The following STARD5 variants were observed in gnomAD, a reference collection of about 807,000 sequenced individuals.
The protein encoded by STARD5 is StAR related lipid transfer domain containing 5, also known as stAR-related lipid transfer protein 5.
A neutral mutation model predicts 24.6 loss-of-function variants in STARD5; 26 were observed. That is an observed-to-expected ratio of 1.06 (90% confidence interval 0.77 to 1.47). The LOEUF is 1.47. Ranked by LOEUF, STARD5 falls within the 40% of genes most tolerant of loss-of-function variation. The pLI is 0.00. For synonymous variants in STARD5, 101 were observed against 99.7 expected (o/e 1.01, Z -0.07); for missense variants, 254 against 270.8 (o/e 0.94, Z 0.44).
rs773745613 is a variant in STARD5 at position 81,312,616 on chromosome 15, G to A, written c.*640C>T. ...CCGAGGACATGAAACTCCACCTTGC[G>A]GGGATAAAGAGAGAAAAACAAATTC... On this transcript the variant is annotated 3_prime_UTR_variant, in exon 6 of 6. Transcript: ENST00000302824. 2.0e-5 allele frequency: 3 copies of A among 152,308 alleles called. No individual in the cohort carries two copies. The highest frequency in any genetic ancestry group is 1.9e-4 in the East Asian group (1 of 5,182). The allele number at this position is 152,308 out of a possible 1,614,324, so 9.4% of individuals were successfully genotyped here.
chr15:81,323,998 C>G lies in STARD5; in HGVS notation c.99+3G>C. ...ACCCCTTCCCGCCCAGCTCCTCACT[C>G]ACGCCTTCCCGGCAAATCTTCCAGC... On this transcript the variant is annotated splice_donor_region_variant and intron_variant, in intron 1 of 5. Coordinates refer to ENST00000302824, the MANE Select transcript of STARD5 (RefSeq NM_181900.3). 6.3e-7 allele frequency: 1 copy of G among 1,593,150 alleles called. No homozygotes were observed. Among genetic ancestry groups the G allele is most frequent in the Non-Finnish European group, 8.6e-7 (1 of 1,169,058 alleles).
rs1893342731 is a variant in STARD5 at position 81,324,040 on chromosome 15, G to C, written c.60C>G (p.Tyr20Ter). 6.3e-7 allele frequency: 1 copy of C among 1,597,812 alleles called. No homozygotes were observed. The highest frequency in any genetic ancestry group is 1.3e-5 in the African/African-American group (1 of 74,438). Residue 20 changes from tyrosine (Y) to a stop codon, truncating the protein, a stop_gained, in exon 1 of 6, where the codon TAC (tyrosine) becomes TAG (stop). Transcript: ENST00000302824. LOFTEE classifies it high-confidence loss of function. ...SEAVAEKMLQ[Y>*]RRDTAGWKIC... ...TCTTCCAGCCTGCTGTGTCCCGCCG[G>C]TACTGGAGCATCTTCTCGGCCACAG...
intron 3 of STARD5, among the ~76,000 whole-genome samples, chr15:81,321,371 G>C (rs12595144): frequency 0.029 from 4,369 of 152,158 alleles, 98 homozygotes; most frequent in East Asian, 0.14. Context: ...CAGCACTTTG[G>C]GGGGTCGAGG....
intron 3 of STARD5, among the ~76,000 whole-genome samples, chr15:81,321,222 T>G (rs896886403): frequency 6.6e-6 from 1 of 152,170 alleles, no homozygotes; most frequent in African/African-American, 2.4e-5. Context: ...AGACGCAAAA[T>G]GTTTTACTTG....
At chr15:81,316,207 C>T (rs578062501) in intron 5 of STARD5, among the ~76,000 whole-genome samples, 24 of 152,184 alleles carry the variant, frequency 1.6e-4, no homozygotes, top group Non-Finnish European at 3.1e-4. Context: ...ATTAGGGAAA[C>T]CCCCTAGATA....
At chr15:81,318,043 G>C (rs1269984744) in intron 5 of STARD5, among the ~76,000 whole-genome samples, 1 of 152,128 alleles carries the variant, frequency 6.6e-6, no homozygotes, top group Non-Finnish European at 1.5e-5. Flanking sequence ...TCGGAGCACA[G>C]ACCCTGCCCT....
rs370301047 is a variant in STARD5 at position 81,313,224 on chromosome 15, C to T, written c.*32G>A. The T allele has an allele frequency of 3.2e-5, 49 of 1,512,214 alleles. No homozygotes were observed. Among genetic ancestry groups the T allele is most frequent in the Non-Finnish European group, 4.0e-5 (45 of 1,124,732 alleles). 93.7% of individuals were successfully genotyped at this position (1,512,214 alleles called of 1,614,324 possible). On this transcript the variant is annotated 3_prime_UTR_variant, in exon 6 of 6. Transcript: ENST00000302824. ...ACAGCTGGAGCTCCTCGATGAGTCA[C>T]GGGAGTTCTTTGCCAAGAAGTAACG...
intron 5 of STARD5, among the ~76,000 whole-genome samples, chr15:81,314,818 G>A (rs1228925171): frequency 1.1e-4 from 17 of 149,786 alleles, no homozygotes; most frequent in African/African-American, 3.4e-4. Context: ...CCTGGGAGGC[G>A]GAGGTTGCAG....
At chr15:81,314,569 G>A (rs1451625005) in intron 5 of STARD5, among the ~76,000 whole-genome samples, 3 of 152,128 alleles carry the variant, frequency 2.0e-5, no homozygotes, top group Non-Finnish European at 4.4e-5. Flanking sequence ...CTACAGGTTT[G>A]GAACTGGAGA....
intron 5 of STARD5, chr15:81,313,605 T>C (rs1446701041): frequency 5.1e-6 from 2 of 394,216 alleles, no homozygotes; most frequent in African/African-American, 4.1e-5. Context: ...CGGGGATGCA[T>C]TCCACAGCCT....
Position 81,322,439 on chromosome 15 carries a change from G to A in STARD5, c.251C>T (p.Thr84Ile), listed in dbSNP as rs1293328681. 1.2e-6 allele frequency: 2 copies of A among 1,614,170 alleles called. No homozygotes were observed. The highest frequency in any genetic ancestry group is 2.2e-5 in the South Asian group (2 of 91,078). The change falls in exon 3 of 6, where the codon ACC becomes ATC. Residue 84 changes from threonine to isoleucine, a missense_variant. Transcript: ENST00000302824. ...GATGCTTTGGATAATTTCAAAACCG[G>A]TCACATTCTCATCCCACTTCACTCG... is the stretch of plus-strand genomic sequence containing the variant. ...GLRVKWDENV[T>I]GFEIIQSITD...
intron 2 of STARD5, 131 bp from the exon 3 acceptor site, chr15:81,322,671 G>A (rs1596072708): frequency 1.4e-6 from 2 of 1,456,084 alleles, no homozygotes; most frequent in East Asian, 4.6e-5. Context: ...CAGAGAAGGG[G>A]CTGAAAGTCA....
chr15:81,321,482 C>A (rs1295508411), intron 3 of STARD5, among the ~76,000 whole-genome samples: 2 of 151,800 alleles, frequency 1.3e-5, no homozygotes, highest in African/African-American at 4.8e-5. Context: ...TGGTGGCGTG[C>A]CCCTGTAGTC....
At position 81,311,711 on chromosome 15, in the gene STARD5, A is replaced by ATTGGCTGAACTCATG. The variant is rs1900863274; in HGVS notation, c.*1544_*1545insCATGAGTTCAGCCAA. ...CCTAGAATTGGCTGAACTCATGAGA[A>ATTGGCTGAACTCATG]GTTGATATAGAACAGTGCTTGCCAC... On this transcript the variant is annotated 3_prime_UTR_variant, in exon 6 of 6. Coordinates refer to ENST00000302824, the MANE Select transcript of STARD5 (RefSeq NM_181900.3). 1 of 152,230 alleles carries ATTGGCTGAACTCATG rather than the reference A, an allele frequency of 6.6e-6. No individual in the cohort carries two copies. The highest frequency in any genetic ancestry group is 2.1e-4 in the South Asian group (1 of 4,828). The allele number at this position is 152,230 out of a possible 1,614,324, so 9.4% of individuals were successfully genotyped here.
chr15:81,322,391 T>C lies in STARD5; in HGVS notation c.282+17A>G. Reference sequence around the variant, plus strand: ...GCCCAGACACTATCTAGAGATAACATGCTTGGAAAGACTTACGTCAGTGAT... The same window carrying C: ...GCCCAGACACTATCTAGAGATAACACGCTTGGAAAGACTTACGTCAGTGAT... On this transcript the variant is annotated intron_variant, in intron 3 of 5. Coordinates refer to ENST00000302824, the MANE Select transcript of STARD5 (RefSeq NM_181900.3). 1 of 1,614,148 alleles carries C rather than the reference T, an allele frequency of 6.2e-7. No individual in the cohort carries two copies. The highest frequency in any genetic ancestry group is 8.5e-7 in the Non-Finnish European group (1 of 1,180,014).
chr15:81,315,652 G>A (rs57214781), intron 5 of STARD5, among the ~76,000 whole-genome samples: 5,321 of 151,868 alleles, frequency 0.035, 280 homozygotes, highest in African/African-American at 0.12. Context: ...CGCCCCCCGC[G>A]CCACTTGGAG....
rs187715544 is a variant in STARD5, at chr15:81,309,551, G to A, written c.*3705C>T. 7 of 152,372 alleles carry A rather than the reference G, an allele frequency of 4.6e-5. No individual in the cohort carries two copies. In the East Asian group the frequency reaches 9.6e-4, roughly 21 times the overall value. The allele number at this position is 152,372 out of a possible 1,614,324, so 9.4% of individuals were successfully genotyped here. Reference sequence around the variant, plus strand: ...AAACCTGCCTGGGTTTAAGGGGAGAGGAAATATTGCTGGGGTCATTTATGA... The same window carrying A: ...AAACCTGCCTGGGTTTAAGGGGAGAAGAAATATTGCTGGGGTCATTTATGA... On this transcript the variant is annotated 3_prime_UTR_variant, in exon 6 of 6. Transcript: ENST00000302824.
intron 5 of STARD5, among the ~76,000 whole-genome samples, chr15:81,315,378 G>A (rs768727799): frequency 1.9e-4 from 29 of 152,140 alleles, no homozygotes; most frequent in Non-Finnish European, 3.2e-4. Flanking sequence ...TGGCCTTGGT[G>A]AGTGGTAGCT....
chr15:81,318,340 A>C, intron 5 of STARD5, 69 bp downstream of exon 5: 1 of 1,356,126 alleles, frequency 7.4e-7, no homozygotes, highest in Non-Finnish European at 1.1e-6. Flanking sequence ...GCCCCTTTTC[A>C]CAGAAGGTCC....
Sources: gnomAD v4.1 joint callset for allele counts (sites outside exome capture counted in the v4.1 genomes callset) on GRCh38, gnomAD v4.1.1 for gene constraint, MANE v1.5 for transcripts, NCBI Gene and HGNC (gene_info 2026-07-23, HGNC 2026-07-21) for gene names.